The following PPARGC1A variants were observed in gnomAD, a reference collection of about 807,000 sequenced individuals.
PPARGC1A encodes the protein peroxisome proliferator-activated receptor gamma coactivator 1-alpha.
A neutral mutation model predicts 88.7 loss-of-function variants in PPARGC1A; 25 were observed. The ratio of observed to expected loss-of-function variants is 0.28; its 90% confidence interval spans 0.21 to 0.39. The LOEUF is 0.39. Among genes scored for constraint, PPARGC1A ranks in the 10% least tolerant of loss-of-function variants. The pLI, the probability that PPARGC1A is intolerant of heterozygous loss-of-function variation, is 1.00. For missense variants in PPARGC1A, 880 were observed against 968.7 expected, an observed-to-expected ratio of 0.91 and a Z score of 1.22; for synonymous variants, 363 against 355.6, an observed-to-expected ratio of 1.02 and a Z score of -0.24.
At chr4:24,281,682 G>A in the PPARGC1A span, among the ~76,000 whole-genome samples, 3 of 152,126 alleles carry the variant, frequency 2.0e-5, no homozygotes. Flanking sequence ...CTGTGCAATA[G>A]CCCTTTCTTG....
the PPARGC1A span, among the ~76,000 whole-genome samples, chr4:24,374,741 C>T: frequency 6.6e-6 from 1 of 152,158 alleles, no homozygotes; most frequent in Non-Finnish European, 1.5e-5. Flanking sequence ...CAGATACTAA[C>T]AAGTGTTGGC....
At chr4:24,454,702 C>G in the PPARGC1A span, among the ~76,000 whole-genome samples, 1 of 151,480 alleles carries the variant, frequency 6.6e-6, no homozygotes, top group East Asian at 1.9e-4. Flanking sequence ...TGCACCACTG[C>G]ACTCCTAGCT....
the PPARGC1A span, among the ~76,000 whole-genome samples, chr4:24,121,864 A>G: frequency 2.5e-3 from 377 of 152,298 alleles, 1 homozygote; most frequent in African/African-American, 7.9e-3. Context: ...ATACCAATTT[A>G]CTGCCAGAGG....
the PPARGC1A span, among the ~76,000 whole-genome samples, chr4:24,408,277 A>C: frequency 6.6e-6 from 1 of 152,102 alleles, no homozygotes; most frequent in African/African-American, 2.4e-5. Context: ...AAAAGACAGG[A>C]AATATCTTAG....
chr4:23,876,832 A>G (rs563369764), intron 2 of PPARGC1A, among the ~76,000 whole-genome samples: 1 of 152,266 alleles, frequency 6.6e-6, no homozygotes, highest in African/African-American at 2.4e-5. Flanking sequence ...GAAAGAAAAA[A>G]AAAAGTAGTT....
chr4:23,860,865 A>G (rs763957299), intron 2 of PPARGC1A, among the ~76,000 whole-genome samples: 4 of 152,204 alleles, frequency 2.6e-5, no homozygotes, highest in South Asian at 2.1e-4. Context: ...CACTCTGCCT[A>G]CTAGACTCTT....
At chr4:24,021,905 C>T in the PPARGC1A span, among the ~76,000 whole-genome samples, 1 of 152,198 alleles carries the variant, frequency 6.6e-6, no homozygotes, top group East Asian at 1.9e-4. Context: ...CAGAATGGAG[C>T]AGAGAGGTCA....
At chr4:24,470,022 A>G in the PPARGC1A span, among the ~76,000 whole-genome samples, 1 of 152,100 alleles carries the variant, frequency 6.6e-6, no homozygotes, top group African/African-American at 2.4e-5. This position sits in a 1 kb window ranked among gnomAD's most constrained non-coding sequence, Gnocchi z 5.8. Flanking sequence ...CTGCTTCCTT[A>G]GACCCAAGTC....
chr4:23,828,029 C>T lies in PPARGC1A; in HGVS notation c.757+371G>A, dbSNP rs189072272. On this transcript the variant is annotated intron_variant, in intron 5 of 12. Transcript: ENST00000264867. ...CAAATCACTGGTGCCTCATTTTTTC[C>T]ATTACTGGAAGGGAAAAAATAAAAG... Among the ~76,000 whole-genome samples, 754 of 152,110 alleles carry T rather than the reference C, an allele frequency of 5.0e-3. 4 individuals carry two copies. Among genetic ancestry groups the T allele is most frequent in the Non-Finnish European group, 8.1e-3 (553 of 67,976 alleles).
At chr4:23,950,291 T>C in the PPARGC1A span, among the ~76,000 whole-genome samples, 1 of 152,252 alleles carries the variant, frequency 6.6e-6, no homozygotes, top group South Asian at 2.1e-4. Flanking sequence ...CTAGCATTTC[T>C]GTACCCACCT....
At chr4:24,379,061 C>A in the PPARGC1A span, among the ~76,000 whole-genome samples, 2 of 152,008 alleles carry the variant, frequency 1.3e-5, no homozygotes, top group African/African-American at 4.8e-5. Context: ...TTCATGAAAT[C>A]TGTTAAATAT....
chr4:24,381,962 G>A, the PPARGC1A span, among the ~76,000 whole-genome samples: 3 of 152,126 alleles, frequency 2.0e-5, no homozygotes, highest in East Asian at 5.8e-4. Context: ...TGAGATAAAA[G>A]TCTATATCAT....
At chr4:24,144,261 G>A in the PPARGC1A span, among the ~76,000 whole-genome samples, 10 of 152,276 alleles carry the variant, frequency 6.6e-5, no homozygotes, top group South Asian at 4.1e-4. Context: ...AATTATAAAT[G>A]TCCAAGATGC....
chr4:24,394,261 A>G, the PPARGC1A span, among the ~76,000 whole-genome samples: 5 of 152,234 alleles, frequency 3.3e-5, no homozygotes, highest in Non-Finnish European at 5.9e-5. Flanking sequence ...CGGCCATGTT[A>G]GTGTACCACC....
chr4:24,233,149 C>A, the PPARGC1A span, among the ~76,000 whole-genome samples: 1 of 152,216 alleles, frequency 6.6e-6, no homozygotes, highest in East Asian at 1.9e-4. Context: ...GTAAGAACAA[C>A]CGTCAGAAGT....
chr4:23,929,285 G>A, the PPARGC1A span, among the ~76,000 whole-genome samples: 1 of 152,164 alleles, frequency 6.6e-6, no homozygotes, highest in African/African-American at 2.4e-5. Flanking sequence ...ATGAGACAGA[G>A]CATGCTATAT....
intron 1 of PPARGC1A, chr4:23,889,261 C>A: frequency 1.0e-6 from 1 of 985,406 alleles, no homozygotes; most frequent in Non-Finnish European, 1.2e-6. Context: ...CTGCCACCGA[C>A]GCGAACGGAA....
At chr4:24,206,716 T>C in the PPARGC1A span, among the ~76,000 whole-genome samples, 1 of 151,872 alleles carries the variant, frequency 6.6e-6, no homozygotes, top group South Asian at 2.1e-4. Context: ...GGCACGTGCC[T>C]GTAATCCCAG....
the PPARGC1A span, among the ~76,000 whole-genome samples, chr4:23,918,430 C>A: frequency 6.6e-6 from 1 of 152,062 alleles, no homozygotes. Context: ...CCATGTTTGC[C>A]AAGCTGGTCT....
Sources: allele counts gnomAD v4.1 joint callset (sites outside exome capture counted in the v4.1 genomes callset), GRCh38; gene constraint gnomAD v4.1.1; non-coding constraint Gnocchi (gnomAD v3.1); transcripts MANE v1.5; gene names NCBI Gene and HGNC (gene_info 2026-07-23, HGNC 2026-07-21).